ACO2: variants seen among roughly 807,000 people sequenced by gnomAD.
The protein encoded by ACO2 is aconitate hydratase, mitochondrial.
A neutral mutation model predicts 84.5 loss-of-function variants in ACO2; 31 were observed. That is an observed-to-expected ratio of 0.37 (90% CI 0.28 to 0.50). ACO2 has a LOEUF of 0.50. Ranked by LOEUF, ACO2 falls within the 20% of genes least tolerant of loss-of-function variation. The probability of loss-of-function intolerance (pLI) is 0.97; values close to 1 mark genes in which losing one functional copy is unlikely to be tolerated. For missense variants in ACO2, 685 were observed against 1,029.3 expected (o/e 0.67, Z 4.58); for synonymous variants, 414 against 412.7 (o/e 1.00, Z -0.04).
Position 41,496,315 on chromosome 22 carries a change from CA to C in ACO2, c.37-3402del, listed in dbSNP as rs950877012. ...GGGCGATGAGAGCAAGACCCTGTCT[CA>C]AAAAAAAAGTAAAAGAAGAAGAGTT... On this transcript the variant is annotated intron_variant, in intron 1 of 17. Transcript: ENST00000216254. Among the ~76,000 whole-genome samples, 17 of 150,142 alleles carry C rather than the reference CA, an allele frequency of 1.1e-4. 1 individual carries two copies. The highest frequency in any genetic ancestry group is 3.7e-4 in the African/African-American group (15 of 40,778).
intron 6 of ACO2, 129 bp from the exon 7 acceptor site, chr22:41,517,398 A>G: frequency 2.6e-6 from 2 of 762,090 alleles, no homozygotes; most frequent in Non-Finnish European, 2.2e-6. Context: ...GCCCGCTGTC[A>G]CCACATCTCT....
Position 41,499,925 on chromosome 22 carries a change from G to C in ACO2, c.173+63G>C, listed in dbSNP as rs964347339. 51 of 1,591,032 alleles carry C rather than the reference G, an allele frequency of 3.2e-5. No individual in the cohort carries two copies. In the East Asian group the frequency reaches 1.1e-3, roughly 34 times the overall value. ...ATTGCGTCTGCTGCCTGCCCGTCAGGCAGAGAAGGAGGTGTTTTGTGAAGG... is the reference window on the plus strand; with the variant it reads ...ATTGCGTCTGCTGCCTGCCCGTCAGCCAGAGAAGGAGGTGTTTTGTGAAGG... On this transcript the variant is annotated intron_variant, in intron 2 of 17. Coordinates refer to ENST00000216254, the MANE Select transcript of ACO2 (RefSeq NM_001098.3).
chr22:41,511,639 C>G (rs1466005086), intron 3 of ACO2, among the ~76,000 whole-genome samples: 3 of 152,252 alleles, frequency 2.0e-5, no homozygotes, highest in Non-Finnish European at 4.4e-5. Flanking sequence ...GGCCAGGTGT[C>G]ACAGAACTGG....
In ACO2 at chr22:41,503,935, C is replaced by T. The variant is rs116332307; in HGVS notation, c.174-3856C>T. Among the ~76,000 whole-genome samples the T allele has an allele frequency of 4.2e-3, 635 of 152,266 alleles. 3 individuals are homozygous for T. Among genetic ancestry groups the T allele is most frequent in the African/African-American group, 0.014 (575 of 41,550 alleles). On this transcript the variant is annotated intron_variant, in intron 2 of 17. Transcript: ENST00000216254. ...ATGCTAAAAAGAATTATATTCTAGC[C>T]GGGTATGGTAGCCCACGCCTGTAAT...
chr22:41,523,091 C>T, intron 10 of ACO2, 104 bp downstream of exon 10: 1 of 1,555,362 alleles, frequency 6.4e-7, no homozygotes, highest in African/African-American at 1.4e-5. Flanking sequence ...GGGGCAGGTC[C>T]CAGTGGCTGC....
chr22:41,473,925 A>G (rs888761146), intron 1 of ACO2, among the ~76,000 whole-genome samples: 2 of 152,168 alleles, frequency 1.3e-5, no homozygotes, highest in African/African-American at 4.8e-5. Flanking sequence ...GGCTGGGGCT[A>G]GGGTCAGGCA....
At chr22:41,472,094 C>T (rs929638865) in intron 1 of ACO2, among the ~76,000 whole-genome samples, 1 of 152,156 alleles carries the variant, frequency 6.6e-6, no homozygotes, top group Non-Finnish European at 1.5e-5. Context: ...GTGTCTCACG[C>T]CTGTAATCCC....
chr22:41,492,499 C>T (rs1474056945), intron 1 of ACO2, among the ~76,000 whole-genome samples: 9 of 152,022 alleles, frequency 5.9e-5, no homozygotes, highest in Admixed American at 5.2e-4. Context: ...TTAGGCCAGG[C>T]GCAGTGGCTT....
chr22:41,499,302 G>A (rs892125845), intron 1 of ACO2, among the ~76,000 whole-genome samples: 2 of 152,138 alleles, frequency 1.3e-5, no homozygotes, highest in South Asian at 2.1e-4. Flanking sequence ...TATAGTGCAG[G>A]TAGACTAATA....
At chr22:41,520,733 T>C (rs1056181244) in intron 9 of ACO2, among the ~76,000 whole-genome samples, 1 of 151,706 alleles carries the variant, frequency 6.6e-6, no homozygotes. Flanking sequence ...CCCCAGCTAC[T>C]TGGGAGGCTG....
intron 1 of ACO2, among the ~76,000 whole-genome samples, chr22:41,495,388 T>C (rs1004731959): frequency 2.6e-5 from 4 of 152,044 alleles, no homozygotes; most frequent in Admixed American, 6.6e-5. Flanking sequence ...GAATTCCCGG[T>C]CTCAAGCAAT....
intron 1 of ACO2, among the ~76,000 whole-genome samples, chr22:41,479,377 A>G (rs73887727): frequency 3.9e-5 from 6 of 152,162 alleles, no homozygotes; most frequent in African/African-American, 1.4e-4. Context: ...TGTCCTTCAC[A>G]ACAACCCTAA....
Position 41,524,703 on chromosome 22 carries a change from T to C in ACO2, c.1483-143T>C. 6 of 1,322,972 alleles carry C rather than the reference T, an allele frequency of 4.5e-6. No individual in the cohort carries two copies. The South Asian group carries it at 8.1e-5, about 18-fold the overall frequency. 82.0% of individuals were successfully genotyped at this position (1,322,972 alleles called of 1,614,324 possible). The stretch of plus-strand genomic sequence containing the variant: ...GGTCCCAAAGATCGTCCTGCAGCTC[T>C]GGCCTCTGAGGAACACAGGGGTCTG... On this transcript the variant is annotated intron_variant, in intron 12 of 17. Coordinates refer to ENST00000216254, the MANE Select transcript of ACO2 (RefSeq NM_001098.3).
intron 1 of ACO2, among the ~76,000 whole-genome samples, chr22:41,495,245 C>T (rs937413768): frequency 1.5e-4 from 23 of 152,052 alleles, no homozygotes; most frequent in African/African-American, 5.6e-4. Flanking sequence ...CTTGCCCAGG[C>T]TGGTCTTGAA....
chr22:41,478,506 G>T (rs2038047118), intron 1 of ACO2, among the ~76,000 whole-genome samples: 1 of 152,136 alleles, frequency 6.6e-6, no homozygotes, highest in Non-Finnish European at 1.5e-5. Context: ...GAATCTTTTG[G>T]TTTAGTTTTT....
At chr22:41,492,204 AAGC>A (rs1387753755) in intron 1 of ACO2, among the ~76,000 whole-genome samples, 1 of 152,250 alleles carries the variant, frequency 6.6e-6, no homozygotes, top group African/African-American at 2.4e-5. Context: ...TTTATTCTAA[AAGC>A]AGGGTAAATA....
intron 1 of ACO2, among the ~76,000 whole-genome samples, chr22:41,482,459 A>T (rs2038099938): frequency 6.6e-6 from 1 of 152,234 alleles, no homozygotes; most frequent in South Asian, 2.1e-4. Flanking sequence ...CAAGAGTCAC[A>T]CAGAGATGTG....
At chr22:41,486,856 C>A (rs943441526) in intron 1 of ACO2, among the ~76,000 whole-genome samples, 1 of 151,758 alleles carries the variant, frequency 6.6e-6, no homozygotes, top group Non-Finnish European at 1.5e-5. Context: ...GCCATTTCTT[C>A]TTCACTTTGC....
At chr22:41,485,770 A>G (rs932581696) in intron 1 of ACO2, among the ~76,000 whole-genome samples, 1 of 151,868 alleles carries the variant, frequency 6.6e-6, no homozygotes. Flanking sequence ...TATTATTAGT[A>G]CAGACCGGGT....
Sources: allele counts gnomAD v4.1 joint callset (sites outside exome capture counted in the v4.1 genomes callset), GRCh38; gene constraint gnomAD v4.1.1; transcripts MANE v1.5; gene names NCBI Gene and HGNC (gene_info 2026-07-23, HGNC 2026-07-21).